SCUBE1: variants seen among roughly 807,000 people sequenced by gnomAD.
The protein encoded by SCUBE1 is signal peptide, CUB and EGF-like domain-containing protein 1.
In SCUBE1, 59 loss-of-function variants were observed where a neutral mutation model predicts 124.4. That is an observed-to-expected ratio of 0.47 (90% CI 0.38 to 0.59). The LOEUF is 0.59. Among genes scored for constraint, SCUBE1 ranks in the 20% least tolerant of loss-of-function variants. The probability of loss-of-function intolerance (pLI) is 0.00; values close to 1 mark genes in which losing one functional copy is unlikely to be tolerated. For synonymous variants in SCUBE1, 545 were observed against 550.9 expected (o/e 0.99, Z 0.15); for missense variants, 1,150 against 1,371.2 (o/e 0.84, Z 2.55).
In SCUBE1 at chr22:43,214,166, G is replaced by A; in HGVS notation, c.1977C>T (p.Gly659=). 2 of 1,613,064 alleles carry A rather than the reference G, an allele frequency of 1.2e-6. No individual in the cohort carries two copies. The highest frequency in any genetic ancestry group is 1.7e-6 in the Non-Finnish European group (2 of 1,179,936). Residue 659 remains glycine, a synonymous_variant, in exon 16 of 22, where the codon GGC becomes GGT. Transcript: ENST00000360835. ...TGGGGCACGGTGTGCAACTGAGCTG[G>A]CCTTCCATGTCCTGGTATGTTCCTG... ...CMPGTYQDME[G]QLSCTPCPSS...
At chr22:43,324,022 G>A (rs139767245) in intron 2 of SCUBE1, among the ~76,000 whole-genome samples, 1 of 152,226 alleles carries the variant, frequency 6.6e-6, no homozygotes, top group Non-Finnish European at 1.5e-5. Flanking sequence ...TCTATAAGAT[G>A]TAATCCAACT....
In SCUBE1 at chr22:43,212,559, C is replaced by A; in HGVS notation, c.2087G>T (p.Gly696Val). ...GGGGCAGGCCTGGCAGGGCTTGAAG[C>A]CATCGGCCGAGAAGAAGCCTGGAGA... ...QCSPGFFSAD[G>V]FKPCQACPVG... Residue 696 changes from glycine to valine, a missense_variant, in exon 17 of 22, where the codon GGC becomes GTC. Physicochemically the swap from Gly to Val is moderately radical, Grantham distance 109 (BLOSUM62 -3). Transcript: ENST00000360835. 2 of 1,566,058 alleles carry A rather than the reference C, an allele frequency of 1.3e-6. No homozygotes were observed. The highest frequency in any genetic ancestry group is 1.9e-5 in the Admixed American group (1 of 53,188).
At chr22:43,332,361 C>T (rs924924169) in intron 2 of SCUBE1, among the ~76,000 whole-genome samples, 3 of 152,128 alleles carry the variant, frequency 2.0e-5, no homozygotes, top group African/African-American at 4.8e-5. Flanking sequence ...AAAATAATAA[C>T]GGTATCACAA....
chr22:43,257,122 C>G (rs17003574), intron 6 of SCUBE1, among the ~76,000 whole-genome samples: 3,116 of 152,302 alleles, frequency 0.02, 121 homozygotes, highest in African/African-American at 0.072. Flanking sequence ...GATGACAGCC[C>G]CGGACTACAG....
chr22:43,267,185 T>C (rs1038559103), intron 4 of SCUBE1, among the ~76,000 whole-genome samples: 1 of 152,094 alleles, frequency 6.6e-6, no homozygotes, highest in Admixed American at 6.6e-5. Context: ...GGGTAACCCG[T>C]TGGGGAGACA....
chr22:43,241,454 G>C (rs1923002960), intron 6 of SCUBE1, among the ~76,000 whole-genome samples: 2 of 152,070 alleles, frequency 1.3e-5, no homozygotes, highest in South Asian at 4.1e-4. Context: ...AGCTGGAGGG[G>C]ACCTGCTCCA....
chr22:43,301,473 T>G (rs757263966), intron 3 of SCUBE1, among the ~76,000 whole-genome samples: 3 of 152,168 alleles, frequency 2.0e-5, no homozygotes, highest in Non-Finnish European at 4.4e-5. Context: ...TGTTCCCATC[T>G]CCAGGCCTTG....
rs1461132078 is a variant in SCUBE1, at chr22:43,258,162, A to G, written c.727+57T>C. On this transcript the variant is annotated intron_variant, in intron 6 of 21. Coordinates refer to ENST00000360835, the MANE Select transcript of SCUBE1 (RefSeq NM_173050.5). This position sits in a 1 kb window ranked among gnomAD's most constrained non-coding sequence, Gnocchi z 5.0. ...GGGTGCTGGCCCTGCTGGTGCACGC[A>G]TGGGGGGTCGGGGGCGGGGGGCGCA... The G allele has an allele frequency of 2.1e-6, 2 of 975,592 alleles. No homozygotes were observed. The highest frequency in any genetic ancestry group is 3.6e-5 in the East Asian group (1 of 27,436). The allele number at this position is 975,592 out of a possible 1,614,324, so 60.4% of individuals were successfully genotyped here.
intron 2 of SCUBE1, among the ~76,000 whole-genome samples, chr22:43,320,613 G>C (rs183879132): frequency 1.3e-5 from 2 of 152,318 alleles, no homozygotes; most frequent in Non-Finnish European, 2.9e-5. Flanking sequence ...AGAGAGATTT[G>C]AGATACCCTG....
chr22:43,320,655 G>T (rs1204193834), intron 2 of SCUBE1, among the ~76,000 whole-genome samples: 1 of 152,182 alleles, frequency 6.6e-6, no homozygotes, highest in Non-Finnish European at 1.5e-5. Flanking sequence ...AGTTAACCTT[G>T]TCTGAGCTGC....
chr22:43,289,778 GC>G, intron 4 of SCUBE1, among the ~76,000 whole-genome samples: 1 of 152,268 alleles, frequency 6.6e-6, no homozygotes, highest in East Asian at 1.9e-4. Flanking sequence ...CAGTAGAGCC[GC>G]CCATGGGAAG....
chr22:43,298,625 A>G (rs1053259439), intron 3 of SCUBE1, among the ~76,000 whole-genome samples: 1 of 152,152 alleles, frequency 6.6e-6, no homozygotes, highest in African/African-American at 2.4e-5. Flanking sequence ...GTGCATCTCT[A>G]GGGAAGGACG....
intron 4 of SCUBE1, chr22:43,272,432 T>C (rs1357300716): frequency 1.3e-5 from 2 of 152,248 alleles, no homozygotes; most frequent in Non-Finnish European, 2.9e-5. Context: ...ACCACCCAGC[T>C]GTTCCAGCCA....
intron 4 of SCUBE1, among the ~76,000 whole-genome samples, chr22:43,273,333 A>T (rs763843402): frequency 6.6e-6 from 1 of 152,020 alleles, no homozygotes; most frequent in Non-Finnish European, 1.5e-5. Flanking sequence ...GGCACCGGGA[A>T]CCCCTAGAAA....
chr22:43,267,080 G>A (rs896447591), intron 4 of SCUBE1, among the ~76,000 whole-genome samples: 1 of 152,226 alleles, frequency 6.6e-6, no homozygotes, highest in Non-Finnish European at 1.5e-5. Context: ...GGTAGAGCAA[G>A]GCTGCTACGA....
chr22:43,306,641 G>A (rs903795960), intron 3 of SCUBE1, among the ~76,000 whole-genome samples: 1 of 152,124 alleles, frequency 6.6e-6, no homozygotes, highest in African/African-American at 2.4e-5. Context: ...GGACGAGCAG[G>A]TGAAGGGTCC....
At chr22:43,261,747 G>A (rs573398357) in intron 5 of SCUBE1, among the ~76,000 whole-genome samples, 12 of 152,354 alleles carry the variant, frequency 7.9e-5, no homozygotes, top group African/African-American at 2.9e-4. Context: ...TTCTGCATTA[G>A]AATGTGGGCT....
At chr22:43,300,455 C>T (rs11914122) in intron 3 of SCUBE1, among the ~76,000 whole-genome samples, 5,526 of 152,158 alleles carry the variant, frequency 0.036, 238 homozygotes, top group African/African-American at 0.11. Flanking sequence ...AAGACAGACA[C>T]GGTCCCTGTT....
At chr22:43,206,154 A>AC (rs143690304) in intron 21 of SCUBE1, among the ~76,000 whole-genome samples, 6 of 45,406 alleles carry the variant, frequency 1.3e-4, no homozygotes, top group Non-Finnish European at 2.6e-4. Flanking sequence ...TTCACCACAC[A>AC]CCCCCCCAAA....
Sources: allele counts gnomAD v4.1 joint callset (sites outside exome capture counted in the v4.1 genomes callset), GRCh38; gene constraint gnomAD v4.1.1; non-coding constraint Gnocchi (gnomAD v3.1); transcripts MANE v1.5; gene names NCBI Gene and HGNC (gene_info 2026-07-23, HGNC 2026-07-21).